HS6ST2: variants seen among roughly 807,000 people sequenced by gnomAD.
HS6ST2 encodes heparan sulfate 6-O-sulfotransferase 2, also known as heparan-sulfate 6-O-sulfotransferase 2.
A neutral mutation model predicts 33.0 loss-of-function variants in HS6ST2; 17 were observed. The observed-to-expected ratio is 0.52, with a 90% CI of 0.35 to 0.77. The LOEUF is 0.77. Ranked by LOEUF, HS6ST2 falls within the 30% of genes least tolerant of loss-of-function variation. The probability of loss-of-function intolerance (pLI) is 0.01; values close to 1 mark genes in which losing one functional copy is unlikely to be tolerated. For synonymous variants in HS6ST2, 248 were observed against 237.1 expected, an observed-to-expected ratio of 1.05 and a Z score of -0.42; for missense variants, 519 against 551.7, an observed-to-expected ratio of 0.94 and a Z score of 0.59.
At chrX:132,724,388 A>C (rs932941564) in intron 2 of HS6ST2, among the ~76,000 whole-genome samples, 7 of 112,066 alleles carry the variant, frequency 6.2e-5, no homozygotes, top group African/African-American at 2.3e-4. Flanking sequence ...AAAGAAATTT[A>C]AAAAGTAATC....
intron 2 of HS6ST2, among the ~76,000 whole-genome samples, chrX:132,821,558 G>A (rs1401273675): frequency 9.1e-6 from 1 of 109,942 alleles, no homozygotes; most frequent in Admixed American, 9.8e-5. Flanking sequence ...GAGTGATCCC[G>A]GTGACCCCCT....
At chrX:132,838,385 T>A (rs2065666795) in intron 2 of HS6ST2, among the ~76,000 whole-genome samples, 1 of 111,671 alleles carries the variant, frequency 9.0e-6, no homozygotes, top group Non-Finnish European at 1.9e-5. Flanking sequence ...TTCCACTATC[T>A]AGCACCAGAC....
chrX:132,715,978 C>A (rs2064270127), intron 2 of HS6ST2, among the ~76,000 whole-genome samples: 1 of 112,234 alleles, frequency 8.9e-6, no homozygotes, highest in African/African-American at 3.2e-5. Flanking sequence ...AAAGCACCGA[C>A]TGCATTTTGG....
chrX:132,788,778 C>T (rs187018111), intron 2 of HS6ST2, among the ~76,000 whole-genome samples: 13 of 112,555 alleles, frequency 1.2e-4, no homozygotes, highest in African/African-American at 2.9e-4. Flanking sequence ...AGCCTTATTG[C>T]GGATATGGAG....
intron 4 of HS6ST2, among the ~76,000 whole-genome samples, chrX:132,667,334 A>G (rs1714231019): frequency 8.9e-6 from 1 of 111,859 alleles, no homozygotes; most frequent in Non-Finnish European, 1.9e-5. Context: ...GAGTCACTAT[A>G]CATGTCAAGT....
At chrX:132,891,953 A>C (rs1247194912) in intron 2 of HS6ST2, among the ~76,000 whole-genome samples, 2 of 111,484 alleles carry the variant, frequency 1.8e-5, no homozygotes, top group East Asian at 2.8e-4. Context: ...TCCCTGAGGA[A>C]TCACCACACT....
chrX:132,939,680 G>GA (rs912739079), intron 2 of HS6ST2, among the ~76,000 whole-genome samples: 2 of 110,915 alleles, frequency 1.8e-5, no homozygotes, highest in Admixed American at 9.6e-5. Flanking sequence ...ATCCAAAAAT[G>GA]AAAAAAATTC....
intron 2 of HS6ST2, among the ~76,000 whole-genome samples, chrX:132,795,696 C>A (rs1429000138): frequency 1.8e-5 from 2 of 110,771 alleles, no homozygotes; most frequent in African/African-American, 6.6e-5. Context: ...GCCTCAAGCT[C>A]CCCAGGCTCA....
At chrX:132,680,020 G>T (rs927139629) in intron 3 of HS6ST2, among the ~76,000 whole-genome samples, 1 of 105,680 alleles carries the variant, frequency 9.5e-6, no homozygotes, top group African/African-American at 3.5e-5. Flanking sequence ...TGCAGTTAAC[G>T]CAATTATCAC....
intron 3 of HS6ST2, among the ~76,000 whole-genome samples, chrX:132,696,564 G>T (rs1438480345): frequency 9.0e-6 from 1 of 111,717 alleles, no homozygotes. Flanking sequence ...CTTTATCTCT[G>T]CATTTCTATT....
intron 3 of HS6ST2, among the ~76,000 whole-genome samples, chrX:132,705,250 T>C: frequency 9.2e-6 from 1 of 108,687 alleles, no homozygotes; most frequent in South Asian, 4.1e-4. Context: ...AAAGGAAACC[T>C]AAGGAATGTA....
At chrX:132,958,038 G>T in intron 1 of HS6ST2, 137 bp downstream of exon 1, 1 of 606,858 alleles carries the variant, frequency 1.6e-6, no homozygotes, top group Non-Finnish European at 2.4e-6. Context: ...GCACCCCTCC[G>T]GAGACCCTAG....
intron 2 of HS6ST2, among the ~76,000 whole-genome samples, chrX:132,944,209 C>A (rs1437042285): frequency 9.0e-6 from 1 of 111,339 alleles, no homozygotes; most frequent in South Asian, 3.8e-4. Flanking sequence ...TTCTTATACA[C>A]CAATAACATA....
intron 2 of HS6ST2, among the ~76,000 whole-genome samples, chrX:132,738,445 A>G (rs778264995): frequency 1.3e-4 from 15 of 112,565 alleles, no homozygotes; most frequent in Non-Finnish European, 2.4e-4. Flanking sequence ...TGGGAAAAGA[A>G]TGGAACAAGA....
At chrX:132,710,071 C>T (rs754418617) in intron 2 of HS6ST2, among the ~76,000 whole-genome samples, 1 of 111,183 alleles carries the variant, frequency 9.0e-6, no homozygotes. Context: ...TCTAGGTAAA[C>T]TTCTTGACTG....
intron 4 of HS6ST2, among the ~76,000 whole-genome samples, chrX:132,638,652 T>C (rs2063579343): frequency 8.9e-6 from 1 of 112,189 alleles, no homozygotes; most frequent in Admixed American, 9.4e-5. Flanking sequence ...GCTGAACCTC[T>C]TCCTTTCCCC....
chrX:132,889,731 C>T (rs2066288782), intron 2 of HS6ST2, among the ~76,000 whole-genome samples: 1 of 111,277 alleles, frequency 9.0e-6, no homozygotes, highest in Non-Finnish European at 1.9e-5. Context: ...GCAACTAGCT[C>T]TGATGTTCTG....
At chrX:132,856,760 T>A (rs1465418657) in intron 2 of HS6ST2, among the ~76,000 whole-genome samples, 2 of 111,016 alleles carry the variant, frequency 1.8e-5, no homozygotes, top group East Asian at 2.8e-4. Flanking sequence ...AAAAACAACA[T>A]CCCCAAAATA....
chrX:132,838,167 C>G (rs1300072241), intron 2 of HS6ST2, among the ~76,000 whole-genome samples: 1 of 111,779 alleles, frequency 8.9e-6, no homozygotes, highest in Non-Finnish European at 1.9e-5. Context: ...TTCACCAGAT[C>G]CTGGCAGGCC....
Sources: allele counts gnomAD v4.1 joint callset (sites outside exome capture counted in the v4.1 genomes callset), GRCh38; gene constraint gnomAD v4.1.1; transcripts MANE v1.5; gene names NCBI Gene and HGNC (gene_info 2026-07-23, HGNC 2026-07-21).